The following TLCD3B variants were observed in gnomAD, a reference collection of about 807,000 sequenced individuals.
The protein encoded by TLCD3B is ceramide synthase.
A neutral mutation model predicts 23.0 loss-of-function variants in TLCD3B; 9 were observed. That is an observed-to-expected ratio of 0.39 (90% CI 0.24 to 0.68). The LOEUF is 0.68. Among genes scored for constraint, TLCD3B ranks in the 30% least tolerant of loss-of-function variants. The pLI is 0.44. For missense variants in TLCD3B, 307 were observed against 371.8 expected, an observed-to-expected ratio of 0.83 and a Z score of 1.43; for synonymous variants, 161 against 161.0, an observed-to-expected ratio of 1.00 and a Z score of 0.00.
Position 30,030,590 on chromosome 16 carries a change from A to G in TLCD3B, c.-63T>C. On this transcript the variant is annotated 5_prime_UTR_variant, in exon 1 of 5. Coordinates refer to ENST00000380495, the MANE Select transcript of TLCD3B (RefSeq NM_031478.6). ...TGAAGGGGCAGGGAGGCCGAGTGGA[A>G]GGAGTTAGGGGTGGAGAAGGGACGC... 1 of 1,450,136 alleles carries G rather than the reference A, an allele frequency of 6.9e-7. No homozygotes were observed. Among genetic ancestry groups the G allele is most frequent in the South Asian group, 1.3e-5 (1 of 74,568 alleles). The allele number at this position is 1,450,136 out of a possible 1,614,324, so 89.8% of individuals were successfully genotyped here. A position where few individuals can be genotyped will look rare whatever the true frequency, so the allele number is the denominator to read the frequency against.
intron 1 of TLCD3B, among the ~76,000 whole-genome samples, chr16:30,048,011 G>A (rs1354236951): frequency 2.0e-5 from 3 of 151,582 alleles, no homozygotes; most frequent in Non-Finnish European, 2.9e-5. Context: ...GCGTGGTGGC[G>A]GGTGCCTGTA....
At chr16:30,042,302 G>A (rs1379197977) in intron 2 of TLCD3B, among the ~76,000 whole-genome samples, 1 of 151,698 alleles carries the variant, frequency 6.6e-6, no homozygotes, top group African/African-American at 2.4e-5. Context: ...GCAGTGGCAC[G>A]ATCTTGTCTC....
At chr16:30,046,836 A>T (rs1272994489) in intron 1 of TLCD3B, among the ~76,000 whole-genome samples, 2 of 152,164 alleles carry the variant, frequency 1.3e-5, no homozygotes, top group African/African-American at 4.8e-5. Flanking sequence ...AACTCCTCTG[A>T]GCCTTGGGCT....
At chr16:30,047,042 C>T (rs528169987) in intron 1 of TLCD3B, among the ~76,000 whole-genome samples, 103 of 152,162 alleles carry the variant, frequency 6.8e-4, no homozygotes, top group African/African-American at 2.3e-3. Flanking sequence ...CTCCCTGTAG[C>T]CTTGAACTCC....
rs1393963639 is a variant in TLCD3B at position 30,025,179 on chromosome 16, G to A, written c.*4C>T. ...GGGGAGGGGGAGGGTCCCGGCCCCC[G>A]GCCTCAGTCCTGGGCCTGGCAGGCC... On this transcript the variant is annotated 3_prime_UTR_variant, in exon 5 of 5. Coordinates refer to ENST00000380495, the MANE Select transcript of TLCD3B (RefSeq NM_031478.6). This position sits in a 1 kb window ranked among gnomAD's most constrained non-coding sequence, Gnocchi z 4.1. 17 of 1,444,696 alleles carry A rather than the reference G, an allele frequency of 1.2e-5. No homozygotes were observed. The highest frequency in any genetic ancestry group is 2.9e-5 in the Admixed American group (1 of 34,270). The allele number at this position is 1,444,696 out of a possible 1,614,324, so 89.5% of individuals were successfully genotyped here.
rs1479945117 is a variant in TLCD3B at position 30,029,800 on chromosome 16, G to A, written c.126-285C>T. 1.3e-5 allele frequency among the ~76,000 whole-genome samples: 2 copies of A among 152,190 alleles called. No individual in the cohort carries two copies. Among genetic ancestry groups the A allele is most frequent in the Non-Finnish European group, 2.9e-5 (2 of 68,024 alleles). ...GTCTCCCTCTTCTCAAGCCCGCAGGGTGTCTGTCCTGAGGTGAGACTGAGA... is the reference window on the plus strand; with the variant it reads ...GTCTCCCTCTTCTCAAGCCCGCAGGATGTCTGTCCTGAGGTGAGACTGAGA... On this transcript the variant is annotated intron_variant, in intron 1 of 4. Transcript: ENST00000380495. The surrounding 1 kb of genome is among the most constrained non-coding windows in gnomAD (Gnocchi z 4.6).
At chr16:30,027,831 A>G in intron 2 of TLCD3B, 1 of 354,954 alleles carries the variant, frequency 2.8e-6, no homozygotes, top group South Asian at 2.1e-5. Context: ...TCGCCCCACA[A>G]GGGGTGGAGG....
At chr16:30,031,801 T>G (rs2071367898), upstream of TLCD3B, among the ~76,000 whole-genome samples, 1 of 152,118 alleles carries the variant, frequency 6.6e-6, no homozygotes. Flanking sequence ...ACTGCGTCTG[T>G]CCTTCCCACA....
In TLCD3B at chr16:30,025,463, T is replaced by C. The variant is rs779927575; in HGVS notation, c.545A>G (p.Lys182Arg). Residue 182 changes from lysine (K) to arginine (R), a missense_variant, in exon 5 of 5, where the codon AAG becomes AGG. Physicochemically the swap from Lys to Arg is conservative, Grantham distance 26. Coordinates refer to ENST00000380495, the MANE Select transcript of TLCD3B (RefSeq NM_031478.6). The surrounding 1 kb of genome is among the most constrained non-coding windows in gnomAD (Gnocchi z 4.1). ...VCLGKILIQYKQQHTLLHKVN... is the reference protein window; with the variant it reads ...VCLGKILIQYRQQHTLLHKVN... ...CTTGTGCAGCAGTGTGTGCTGCTGC[T>C]TGTACTGAGGAGACACAGACACAGT... The C allele has an allele frequency of 5.0e-6, 8 of 1,611,990 alleles. No homozygotes were observed. The South Asian group carries it at 8.8e-5, about 18-fold the overall frequency.
chr16:30,036,345 A>C, intron 3 of TLCD3B: 7 of 1,288,748 alleles, frequency 5.4e-6, no homozygotes, highest in Non-Finnish European at 7.1e-6. Flanking sequence ...AACAGGTGCA[A>C]GCCTGAAACT....
upstream of TLCD3B, among the ~76,000 whole-genome samples, chr16:30,032,370 CAAAG>C (rs1166460908): frequency 6.6e-6 from 1 of 152,172 alleles, no homozygotes; most frequent in Non-Finnish European, 1.5e-5. Context: ...TCGCCTCCCC[CAAAG>C]AAAGGCCAGG....
chr16:30,029,957 C>G lies in TLCD3B; in HGVS notation c.126-442G>C, dbSNP rs182346572. 5.6e-5 allele frequency: 64 copies of G among 1,148,944 alleles called. 1 individual carries two copies. The Admixed American group carries it at 1.4e-3, about 26-fold the overall frequency. 71.2% of individuals were successfully genotyped at this position (1,148,944 alleles called of 1,614,324 possible). A position where few individuals can be genotyped will look rare whatever the true frequency, so the allele number is the denominator to read the frequency against. On this transcript the variant is annotated intron_variant, in intron 1 of 4. Transcript: ENST00000380495. This position sits in a 1 kb window ranked among gnomAD's most constrained non-coding sequence, Gnocchi z 4.6. The stretch of plus-strand genomic sequence containing the variant: ...CCCGAGTTCCCCAGTCACTTTCCCA[C>G]TGTCTCCTGACTGCCACCAGCCTCC...
chr16:30,052,084 A>G (rs980181075), intron 1 of TLCD3B, among the ~76,000 whole-genome samples: 1 of 152,138 alleles, frequency 6.6e-6, no homozygotes, highest in Non-Finnish European at 1.5e-5. Context: ...TCAGAAAAAA[A>G]GGCTGGGCAC....
Position 30,026,727 on chromosome 16 carries a change from T to C in TLCD3B, c.326A>G (p.Asp109Gly). 6.2e-7 allele frequency: 1 copy of C among 1,614,114 alleles called. No homozygotes were observed. Among genetic ancestry groups the C allele is most frequent in the East Asian group, 2.2e-5 (1 of 44,886 alleles). Residue 109 changes from aspartate (D) to glycine (G), a missense_variant, in exon 3 of 5, where the codon GAC (aspartate) becomes GGC (glycine). Coordinates refer to ENST00000380495, the MANE Select transcript of TLCD3B (RefSeq NM_031478.6). The part of the protein sequence containing the change: ...KHQVKGHGGD[D>G]GAARAPGSTW... ...GCTGCCCGGGGCTCTGGCCGCTCCG[T>C]CGTCCCCTCCATGCCCTTTGACCTG...
In TLCD3B at chr16:30,026,849, G is replaced by C. The variant is rs772353223; in HGVS notation, c.210-6C>G. 1 of 1,612,620 alleles carries C rather than the reference G, an allele frequency of 6.2e-7. No individual in the cohort carries two copies. Among genetic ancestry groups the C allele is most frequent in the African/African-American group, 1.3e-5 (1 of 74,878 alleles). ...AGGCAGAGGACAGCCAGTGTCTGTT[G>C]GGCAGAGAGACGGGGTGGGGGAGCA... On this transcript the variant is annotated splice_region_variant and splice_polypyrimidine_tract_variant and intron_variant, in intron 2 of 4. Transcript: ENST00000380495.
upstream of TLCD3B, among the ~76,000 whole-genome samples, chr16:30,031,615 T>C (rs2071362469): frequency 6.6e-6 from 1 of 152,150 alleles, no homozygotes; most frequent in Non-Finnish European, 1.5e-5. Context: ...AGTGGTGCTT[T>C]CTCAGAAGGA....
chr16:30,043,816 T>G (rs1390518624), intron 2 of TLCD3B, among the ~76,000 whole-genome samples: 1 of 151,966 alleles, frequency 6.6e-6, no homozygotes, highest in Non-Finnish European at 1.5e-5. Flanking sequence ...CCTGAGTAGC[T>G]GGGACCATAG....
At chr16:30,035,735 A>ATTTCT (rs751553983), upstream of TLCD3B, among the ~76,000 whole-genome samples, 7,311 of 148,772 alleles carry the variant, frequency 0.049, 202 homozygotes, top group African/African-American at 0.061. Flanking sequence ...AATTTAGACA[A>ATTTCT]TTTCTTTTCT....
At chr16:30,038,494 G>A (rs538596389) in intron 3 of TLCD3B, among the ~76,000 whole-genome samples, 2 of 152,346 alleles carry the variant, frequency 1.3e-5, no homozygotes, top group East Asian at 1.9e-4. Context: ...GCTCACGCCT[G>A]TAATCCCAGC....
Sources: allele counts gnomAD v4.1 joint callset (sites outside exome capture counted in the v4.1 genomes callset), GRCh38; gene constraint gnomAD v4.1.1; non-coding constraint Gnocchi (gnomAD v3.1); transcripts MANE v1.5; gene names NCBI Gene and HGNC (gene_info 2026-07-23, HGNC 2026-07-21).